Variants in SEMA5A observed in about 807,000 individuals in gnomAD.
SEMA5A encodes the protein semaphorin 5A.
SEMA5A carries 55 observed loss-of-function variants against 135.5 expected under a neutral mutation model. The observed-to-expected ratio is 0.41, with a 90% CI of 0.33 to 0.51. SEMA5A has a LOEUF of 0.51. SEMA5A is among the 20% of genes least tolerant of loss of function. SEMA5A has a pLI of 0.37. For missense variants in SEMA5A, 1,290 were observed against 1,419.9 expected, an observed-to-expected ratio of 0.91 and a Z score of 1.47; for synonymous variants, 580 against 546.5, an observed-to-expected ratio of 1.06 and a Z score of -0.85.
At chr5:9,543,976 AGTT>A (rs553787153) in intron 1 of SEMA5A, among the ~76,000 whole-genome samples, 3 of 152,208 alleles carry the variant, frequency 2.0e-5, no homozygotes, top group Non-Finnish European at 4.4e-5. Flanking sequence ...CTTGAACTGA[AGTT>A]GTGTAAAGTG....
At chr5:9,286,048 T>C (rs1750778836) in intron 5 of SEMA5A, among the ~76,000 whole-genome samples, 1 of 149,168 alleles carries the variant, frequency 6.7e-6, no homozygotes, top group African/African-American at 2.6e-5. Context: ...TCCATAAAAC[T>C]TTTTTTTAAA....
intron 3 of SEMA5A, among the ~76,000 whole-genome samples, chr5:9,375,183 C>T (rs553947098): frequency 7.2e-5 from 11 of 152,222 alleles, no homozygotes; most frequent in South Asian, 2.1e-4. Flanking sequence ...GAAACTGCTC[C>T]GATAAATGCT....
At chr5:9,293,605 TTGTG>T (rs1751191514) in intron 5 of SEMA5A, among the ~76,000 whole-genome samples, 1 of 152,204 alleles carries the variant, frequency 6.6e-6, no homozygotes, top group African/African-American at 2.4e-5. Flanking sequence ...CAGTTTGTGT[TTGTG>T]TAATTTTCCT....
chr5:9,115,805 G>A (rs940988960), intron 15 of SEMA5A, among the ~76,000 whole-genome samples: 1 of 152,186 alleles, frequency 6.6e-6, no homozygotes, highest in African/African-American at 2.4e-5. Context: ...CATACCCTGT[G>A]TCATCACCTC....
intron 4 of SEMA5A, among the ~76,000 whole-genome samples, chr5:9,323,588 GTTGATTTTTTATTTGT>G (rs1240391220): frequency 6.8e-6 from 1 of 146,810 alleles, no homozygotes; most frequent in Non-Finnish European, 1.5e-5. Flanking sequence ...TTATATTTTT[GTTGATTTTTTATTTGT>G]TTGATTTTTA....
chr5:9,293,047 T>A (rs1751166528), intron 5 of SEMA5A, among the ~76,000 whole-genome samples: 1 of 152,164 alleles, frequency 6.6e-6, no homozygotes, highest in Admixed American at 6.5e-5. Context: ...GGTCATCTCC[T>A]CTCCCTGCTC....
At chr5:9,539,520 G>C (rs1041308418) in intron 1 of SEMA5A, among the ~76,000 whole-genome samples, 1 of 152,130 alleles carries the variant, frequency 6.6e-6, no homozygotes, top group Non-Finnish European at 1.5e-5. Context: ...ATGTTCCCTG[G>C]AATTTGTGTG....
intron 11 of SEMA5A, among the ~76,000 whole-genome samples, chr5:9,183,945 G>C (rs1158134510): frequency 6.6e-6 from 1 of 152,146 alleles, no homozygotes; most frequent in Non-Finnish European, 1.5e-5. Flanking sequence ...CCTCTAATGT[G>C]TGTATATATT....
At chr5:9,247,121 G>A (rs933467777) in intron 5 of SEMA5A, among the ~76,000 whole-genome samples, 2 of 152,150 alleles carry the variant, frequency 1.3e-5, no homozygotes, top group Non-Finnish European at 2.9e-5. Flanking sequence ...GCAAATGAAG[G>A]TGCAGAAACC....
intron 3 of SEMA5A, among the ~76,000 whole-genome samples, chr5:9,344,302 C>A (rs551873932): frequency 1.5e-4 from 23 of 152,228 alleles, no homozygotes; most frequent in South Asian, 1.0e-3. Flanking sequence ...GAATAAGTAG[C>A]TAAACTGGAA....
At chr5:9,497,312 T>G (rs1165613164) in intron 1 of SEMA5A, among the ~76,000 whole-genome samples, 1 of 152,168 alleles carries the variant, frequency 6.6e-6, no homozygotes, top group Non-Finnish European at 1.5e-5. Flanking sequence ...ACAAGTATCT[T>G]TTTATTTTTA....
At chr5:9,470,369 C>T (rs1759432041) in intron 1 of SEMA5A, among the ~76,000 whole-genome samples, 1 of 152,158 alleles carries the variant, frequency 6.6e-6, no homozygotes, top group Non-Finnish European at 1.5e-5. Flanking sequence ...CAACTCTGTC[C>T]AGGAAGTACC....
intron 5 of SEMA5A, among the ~76,000 whole-genome samples, chr5:9,270,268 C>T (rs1327709325): frequency 1.3e-5 from 2 of 152,056 alleles, no homozygotes; most frequent in East Asian, 3.9e-4. Flanking sequence ...TGGAAGATCA[C>T]ACCTTGTTTT....
chr5:9,393,407 C>T (rs1384298356), intron 2 of SEMA5A, among the ~76,000 whole-genome samples: 1 of 152,112 alleles, frequency 6.6e-6, no homozygotes, highest in Non-Finnish European at 1.5e-5. Context: ...ACCAGTGATC[C>T]ACCCTGCCTC....
At chr5:9,065,985 CAG>C (rs1338550247) in intron 17 of SEMA5A, among the ~76,000 whole-genome samples, 15 of 152,214 alleles carry the variant, frequency 9.9e-5, no homozygotes, top group Non-Finnish European at 2.1e-4. Context: ...TTTTTAAAAA[CAG>C]AAACATCCTT....
At chr5:9,394,421 G>T (rs900505289) in intron 2 of SEMA5A, among the ~76,000 whole-genome samples, 10 of 152,158 alleles carry the variant, frequency 6.6e-5, no homozygotes, top group African/African-American at 2.4e-4. Context: ...GTGGAGTCTG[G>T]CTTCCTGTGA....
chr5:9,101,532 T>C (rs763192590), intron 16 of SEMA5A, among the ~76,000 whole-genome samples: 17 of 152,244 alleles, frequency 1.1e-4, no homozygotes, highest in Non-Finnish European at 2.1e-4. Context: ...TTTTTATCTA[T>C]AAAAATTCTG....
intron 11 of SEMA5A, among the ~76,000 whole-genome samples, chr5:9,162,302 G>A (rs951803818): frequency 6.6e-6 from 1 of 151,626 alleles, no homozygotes; most frequent in East Asian, 1.9e-4. Context: ...AAATCACAGG[G>A]GAAATCAGAT....
intron 2 of SEMA5A, among the ~76,000 whole-genome samples, chr5:9,419,579 T>C (rs1413160277): frequency 6.6e-6 from 1 of 152,190 alleles, no homozygotes. Flanking sequence ...TGCACACATC[T>C]GGTCAACCTC....
Sources: allele counts gnomAD v4.1 joint callset (sites outside exome capture counted in the v4.1 genomes callset), GRCh38; gene constraint gnomAD v4.1.1; transcripts MANE v1.5; gene names NCBI Gene and HGNC (gene_info 2026-07-23, HGNC 2026-07-21).